Variants in CHODL observed in about 807,000 individuals in gnomAD.
The protein encoded by CHODL is transmembrane protein MT75.
A neutral mutation model predicts 34.5 loss-of-function variants in CHODL; 29 were observed. That is an observed-to-expected ratio of 0.84 (90% CI 0.63 to 1.15). The LOEUF is 1.15. CHODL is among the 50% of genes most tolerant of loss of function. The pLI, the probability that CHODL is intolerant of heterozygous loss-of-function variation, is 0.00. For synonymous variants in CHODL, 125 were observed against 116.1 expected (o/e 1.08, Z -0.49); for missense variants, 332 against 332.5 (o/e 1.00, Z 0.01).
intron 2 of CHODL, among the ~76,000 whole-genome samples, chr21:18,080,528 C>A (rs1478605226): frequency 6.6e-6 from 1 of 152,010 alleles, no homozygotes; most frequent in Non-Finnish European, 1.5e-5. Flanking sequence ...GGTATGGGTT[C>A]AAGTTTATTC....
intron 2 of CHODL, among the ~76,000 whole-genome samples, chr21:18,191,707 G>A (rs1601127568): frequency 6.6e-6 from 1 of 152,298 alleles, no homozygotes; most frequent in Middle Eastern, 3.4e-3. Context: ...AGTCACAGAA[G>A]TATGAATGCT....
At chr21:17,933,863 A>T (rs545288860) in intron 1 of CHODL, among the ~76,000 whole-genome samples, 15 of 152,146 alleles carry the variant, frequency 9.9e-5, no homozygotes, top group African/African-American at 3.4e-4. Flanking sequence ...ACATGGTGAA[A>T]TCCCATCTCT....
intron 1 of CHODL, among the ~76,000 whole-genome samples, chr21:17,946,221 T>C (rs934300870): frequency 3.3e-5 from 5 of 152,114 alleles, no homozygotes; most frequent in African/African-American, 9.7e-5. Context: ...ATTGAGACCA[T>C]CCTGGCTAAC....
chr21:18,001,935 A>G (rs1218450662), intron 1 of CHODL, among the ~76,000 whole-genome samples: 3 of 152,274 alleles, frequency 2.0e-5, no homozygotes, highest in African/African-American at 4.8e-5. Context: ...TAATAAATCA[A>G]TGGGTACCAA....
intron 2 of CHODL, among the ~76,000 whole-genome samples, chr21:18,166,276 G>A (rs954996152): frequency 2.6e-5 from 4 of 152,206 alleles, no homozygotes; most frequent in African/African-American, 7.2e-5. Flanking sequence ...CGCTTCAAAT[G>A]TATCTTCCAG....
chr21:18,056,518 T>C (rs2146477033), intron 2 of CHODL, among the ~76,000 whole-genome samples: 1 of 151,688 alleles, frequency 6.6e-6, no homozygotes, highest in Admixed American at 6.6e-5. Flanking sequence ...CCTAAGGTGT[T>C]ATAATTCAAA....
intron 2 of CHODL, among the ~76,000 whole-genome samples, chr21:18,180,042 T>C (rs1189950449): frequency 1.3e-5 from 2 of 152,198 alleles, no homozygotes; most frequent in Admixed American, 1.3e-4. Context: ...ACCTAGTTTA[T>C]AGTATTGTTG....
chr21:18,207,638 G>A (rs1171207499), intron 2 of CHODL, among the ~76,000 whole-genome samples: 1 of 144,856 alleles, frequency 6.9e-6, no homozygotes, highest in Non-Finnish European at 1.5e-5. Flanking sequence ...CAGGTCTGGT[G>A]GTGGTGATGA....
chr21:17,989,273 C>CAGTGGGACTCAAG (rs1315177788), intron 1 of CHODL, among the ~76,000 whole-genome samples: 1 of 152,138 alleles, frequency 6.6e-6, no homozygotes, highest in Admixed American at 6.6e-5. Flanking sequence ...TTGAGTCCTT[C>CAGTGGGACTCAAG]AGTGGGAACT....
chr21:18,231,662 A>G (rs1417003526), intron 2 of CHODL, among the ~76,000 whole-genome samples: 1 of 151,960 alleles, frequency 6.6e-6, no homozygotes, highest in Non-Finnish European at 1.5e-5. Context: ...TCCCTTCTTC[A>G]GTATCTACAG....
In CHODL at chr21:18,260,186, CT is replaced by C; in HGVS notation, c.548-12del. 7.3e-7 allele frequency: 1 copy of C among 1,366,746 alleles called. No individual in the cohort carries two copies. Among genetic ancestry groups the C allele is most frequent in the Non-Finnish European group, 9.9e-7 (1 of 1,005,058 alleles). The allele number at this position is 1,366,746 out of a possible 1,614,324, so 84.7% of individuals were successfully genotyped here. On this transcript the variant is annotated splice_polypyrimidine_tract_variant and intron_variant, in intron 3 of 5. Transcript: ENST00000299295. ...TTAATCATTATATATGATGGTGGTTCTTATTATTTACAGAGATTAATCCAAC... is the reference window on the plus strand; with the variant it reads ...TTAATCATTATATATGATGGTGGTTCTATTATTTACAGAGATTAATCCAAC...
chr21:17,991,153 T>A (rs1366546718), intron 1 of CHODL, among the ~76,000 whole-genome samples: 1 of 152,170 alleles, frequency 6.6e-6, no homozygotes, highest in Non-Finnish European at 1.5e-5. Flanking sequence ...TTTCCATGGC[T>A]GAGTACTATT....
intron 2 of CHODL, among the ~76,000 whole-genome samples, chr21:18,135,334 T>A (rs1490640669): frequency 6.6e-6 from 1 of 152,178 alleles, no homozygotes; most frequent in Non-Finnish European, 1.5e-5. Flanking sequence ...TTCCCTACTA[T>A]GAGTTATTGA....
chr21:18,043,883 A>G (rs1274035268), intron 2 of CHODL, among the ~76,000 whole-genome samples: 1 of 151,932 alleles, frequency 6.6e-6, no homozygotes, highest in African/African-American at 2.4e-5. Context: ...CAAGAGAACG[A>G]GGGCCAAGCA....
At chr21:18,207,219 C>CT (rs57128911) in intron 2 of CHODL, among the ~76,000 whole-genome samples, 24,577 of 152,022 alleles carry the variant, frequency 0.16, 2,506 homozygotes, top group African/African-American at 0.28. Flanking sequence ...TGAACTCATC[C>CT]TTTTTTATGG....
At chr21:18,185,255 G>A (rs71620016) in intron 2 of CHODL, among the ~76,000 whole-genome samples, 1 of 152,076 alleles carries the variant, frequency 6.6e-6, no homozygotes, top group Non-Finnish European at 1.5e-5. Flanking sequence ...TCCCACTTAT[G>A]AGTGACAACA....
At chr21:17,974,236 T>A (rs2146366119) in intron 1 of CHODL, among the ~76,000 whole-genome samples, 1 of 152,310 alleles carries the variant, frequency 6.6e-6, no homozygotes, top group South Asian at 2.1e-4. Flanking sequence ...TGTTGGATAT[T>A]AAATGCCTCT....
intron 1 of CHODL, among the ~76,000 whole-genome samples, chr21:18,007,264 G>A (rs1167693258): frequency 1.3e-5 from 2 of 152,176 alleles, no homozygotes; most frequent in Non-Finnish European, 2.9e-5. Flanking sequence ...AGGATTTGTT[G>A]TACTCTTTTC....
chr21:18,226,668 A>G (rs2073934156), intron 2 of CHODL, among the ~76,000 whole-genome samples: 1 of 152,146 alleles, frequency 6.6e-6, no homozygotes, highest in Non-Finnish European at 1.5e-5. Context: ...TTGAAGTATT[A>G]TTATATTATC....
Sources: allele counts gnomAD v4.1 joint callset (sites outside exome capture counted in the v4.1 genomes callset), GRCh38; gene constraint gnomAD v4.1.1; transcripts MANE v1.5; gene names NCBI Gene and HGNC (gene_info 2026-07-23, HGNC 2026-07-21).